The following VAC14 variants were observed in gnomAD, a reference collection of about 807,000 sequenced individuals.
The protein encoded by VAC14 is VAC14 component of PIKFYVE complex.
In VAC14, 47 loss-of-function variants were observed where a neutral mutation model predicts 85.3. That is an observed-to-expected ratio of 0.55 (90% confidence interval 0.44 to 0.70). The LOEUF is 0.70. Ranked by LOEUF, VAC14 falls within the 30% of genes least tolerant of loss-of-function variation. The pLI is 0.00. For synonymous variants in VAC14, 447 were observed against 430.5 expected, an observed-to-expected ratio of 1.04 and a Z score of -0.47; for missense variants, 861 against 1,004.3, an observed-to-expected ratio of 0.86 and a Z score of 1.93.
rs375801217 is a variant in VAC14, at chr16:70,692,898, G to A, written c.2109C>T (p.Leu703=). 2 of 1,609,532 alleles carry A rather than the reference G, an allele frequency of 1.2e-6. No homozygotes were observed. The highest frequency in any genetic ancestry group is 8.5e-7 in the Non-Finnish European group (1 of 1,178,874). The part of the protein sequence containing the change: ...LIKALYGLLM[L]LPQSSAFQLL... ...GCTGGAAGGCGCTGCTCTGCGGCAG[G>A]AGCATGAGCAGGCCGTAGAGGGCCT... The change falls in exon 18 of 19, where the codon CTC becomes CTT. Residue 703 remains leucine (L), a synonymous_variant. Coordinates refer to ENST00000261776, the MANE Select transcript of VAC14 (RefSeq NM_018052.5).
At chr16:70,720,933 G>A (rs1224222418) in intron 14 of VAC14, among the ~76,000 whole-genome samples, 5 of 150,622 alleles carry the variant, frequency 3.3e-5, no homozygotes, top group Admixed American at 6.6e-5. Context: ...ACAGACTGGT[G>A]GAGGACCAGA....
Position 70,762,627 on chromosome 16 carries a change from G to A in VAC14, c.1306-22C>T, listed in dbSNP as rs769509554. The A allele has an allele frequency of 2.2e-5, 36 of 1,612,540 alleles. No homozygotes were observed. In the South Asian group the frequency reaches 2.9e-4, roughly 13 times the overall value. On this transcript the variant is annotated intron_variant, in intron 11 of 18. Transcript: ENST00000261776. The surrounding 1 kb of genome is among the most constrained non-coding windows in gnomAD (Gnocchi z 4.1). ...ACATCTGGAGGGCAGAGAAGCAGGG[G>A]TGCCCGTGAGTGCTCCCTTCGCCCC... is the stretch of plus-strand genomic sequence containing the variant.
At chr16:70,734,190 G>A (rs2054679756) in intron 13 of VAC14, among the ~76,000 whole-genome samples, 1 of 151,932 alleles carries the variant, frequency 6.6e-6, no homozygotes, top group Admixed American at 6.6e-5. Context: ...CCAGGCTGTA[G>A]TGCACTGAAG....
intron 1 of VAC14, among the ~76,000 whole-genome samples, chr16:70,790,839 C>T (rs1029626586): frequency 3.9e-5 from 6 of 152,290 alleles, no homozygotes; most frequent in South Asian, 2.1e-4. Context: ...CTACTGTTTC[C>T]GCCCCTGCAC....
intron 9 of VAC14, among the ~76,000 whole-genome samples, chr16:70,779,404 T>C (rs779143121): frequency 6.6e-6 from 1 of 152,230 alleles, no homozygotes; most frequent in African/African-American, 2.4e-5. Context: ...GTCTTCCCTA[T>C]AAAAAATTTC....
intron 1 of VAC14, among the ~76,000 whole-genome samples, chr16:70,792,567 A>G (rs1319597465): frequency 6.6e-6 from 1 of 152,204 alleles, no homozygotes; most frequent in Non-Finnish European, 1.5e-5. Context: ...GATGGCAGGA[A>G]CACCCATTCC....
rs755227231 is a variant in VAC14, at chr16:70,783,534, C to T, written c.615G>A (p.Val205=). ...GGTAATCCAGCAGGTTAATGTCTGG[C>T]ACCGACTCCAGAACCAGGATCTGAC... ...IISWILVLES[V]PDINLLDYLP... Residue 205 remains valine, a synonymous_variant, in exon 6 of 19, where the codon GTG becomes GTA. Transcript: ENST00000261776. The T allele has an allele frequency of 1.2e-6, 2 of 1,613,896 alleles. No homozygotes were observed. The highest frequency in any genetic ancestry group is 1.7e-5 in the Admixed American group (1 of 60,028).
chr16:70,753,535 G>C (rs1470897089), intron 12 of VAC14, among the ~76,000 whole-genome samples: 2 of 152,230 alleles, frequency 1.3e-5, no homozygotes, highest in Non-Finnish European at 2.9e-5. Context: ...GGGCTGCATG[G>C]AGAGGGCACC....
intron 9 of VAC14, chr16:70,778,912 G>A (rs938678966): frequency 6.6e-6 from 1 of 152,132 alleles, no homozygotes; most frequent in African/African-American, 2.4e-5. Flanking sequence ...ATGTATCCCC[G>A]AGTCTTCTAG....
chr16:70,716,839 T>C (rs894246396), intron 14 of VAC14: 1 of 152,282 alleles, frequency 6.6e-6, no homozygotes, highest in Non-Finnish European at 1.5e-5. Flanking sequence ...CTGGAGGCCA[T>C]ACCTGGCCAC....
intron 14 of VAC14, among the ~76,000 whole-genome samples, chr16:70,710,286 A>G (rs1268118837): frequency 1.3e-5 from 2 of 151,564 alleles, no homozygotes; most frequent in African/African-American, 4.8e-5. Flanking sequence ...TCCCCTTCCC[A>G]CCCATTCCCT....
chr16:70,800,178 AT>A (rs2034714047), intron 1 of VAC14, among the ~76,000 whole-genome samples: 1 of 152,254 alleles, frequency 6.6e-6, no homozygotes, highest in Non-Finnish European at 1.5e-5. Flanking sequence ...TGTTTTGTAC[AT>A]TGGGAAATAA....
Position 70,762,777 on chromosome 16 carries a change from T to C in VAC14, c.1305+104A>G, listed in dbSNP as rs2032505333. 25 of 1,567,928 alleles carry C rather than the reference T, an allele frequency of 1.6e-5. 2 individuals carry two copies. In the South Asian group the frequency reaches 2.8e-4, roughly 17 times the overall value. On this transcript the variant is annotated intron_variant, in intron 11 of 18. Coordinates refer to ENST00000261776, the MANE Select transcript of VAC14 (RefSeq NM_018052.5). This position sits in a 1 kb window ranked among gnomAD's most constrained non-coding sequence, Gnocchi z 4.1. ...TGTCACTTCTCTGCCGGCCAGGGTT[T>C]CCCTAGAAGGGCAATGACCAAAATG... is the stretch of plus-strand genomic sequence containing the variant.
chr16:70,688,763 T>G (rs530411885), intron 18 of VAC14: 2 of 985,554 alleles, frequency 2.0e-6, no homozygotes, highest in East Asian at 2.3e-4. Context: ...CCTATAATGG[T>G]GCAATGCGGT....
intron 12 of VAC14, among the ~76,000 whole-genome samples, chr16:70,746,540 G>C (rs1047113850): frequency 1.3e-5 from 2 of 152,200 alleles, no homozygotes; most frequent in African/African-American, 4.8e-5. Context: ...ACACAGCCCA[G>C]TCATATGGCA....
chr16:70,737,647 G>A (rs941119938), intron 13 of VAC14, among the ~76,000 whole-genome samples: 6 of 152,218 alleles, frequency 3.9e-5, no homozygotes, highest in South Asian at 2.1e-4. Flanking sequence ...CCAGGCTGGC[G>A]GGGTGGGCGG....
At chr16:70,790,721 G>A (rs1046504425) in intron 1 of VAC14, among the ~76,000 whole-genome samples, 2 of 152,032 alleles carry the variant, frequency 1.3e-5, no homozygotes, top group African/African-American at 2.4e-5. Context: ...GGCACCAGCC[G>A]GAAGGCCTCC....
chr16:70,713,512 A>T (rs923398427), intron 14 of VAC14, among the ~76,000 whole-genome samples: 1 of 152,196 alleles, frequency 6.6e-6, no homozygotes, highest in Non-Finnish European at 1.5e-5. Context: ...GGAAGAGCCC[A>T]GTCAAGAATG....
chr16:70,767,196 T>A (rs996285573), intron 10 of VAC14, among the ~76,000 whole-genome samples: 4 of 152,218 alleles, frequency 2.6e-5, no homozygotes, highest in African/African-American at 9.6e-5. Context: ...CTGTGACTAT[T>A]AAAATATAGA....
Sources: allele counts gnomAD v4.1 joint callset (sites outside exome capture counted in the v4.1 genomes callset), GRCh38; gene constraint gnomAD v4.1.1; non-coding constraint Gnocchi (gnomAD v3.1); transcripts MANE v1.5; gene names NCBI Gene and HGNC (gene_info 2026-07-23, HGNC 2026-07-21).